Variants in RTN4 observed in about 807,000 individuals in gnomAD.
RTN4 encodes the protein reticulon 4.
RTN4 carries 32 observed loss-of-function variants against 90.4 expected under a neutral mutation model. The ratio of observed to expected loss-of-function variants is 0.35; its 90% CI spans 0.27 to 0.48. The LOEUF (loss-of-function observed/expected upper bound fraction) is 0.48. Ranked by LOEUF, RTN4 falls within the 20% of genes least tolerant of loss-of-function variation. The pLI is 0.99. For synonymous variants in RTN4, 629 were observed against 552.5 expected (o/e 1.14, Z -1.94); for missense variants, 1,706 against 1,430.2 (o/e 1.19, Z -3.11).
chr2:55,097,595 C>T (rs943931835), intron 1 of RTN4, among the ~76,000 whole-genome samples: 3 of 152,030 alleles, frequency 2.0e-5, no homozygotes, highest in African/African-American at 7.3e-5. Context: ...CAGGAGGCCT[C>T]GAAGAGGCAG....
intron 2 of RTN4, among the ~76,000 whole-genome samples, chr2:55,078,002 C>T (rs74483588): frequency 0.054 from 8,073 of 150,548 alleles, 694 homozygotes; most frequent in African/African-American, 0.18. Flanking sequence ...CGTTTGGGGA[C>T]TTTGGGGACT....
intron 3 of RTN4, among the ~76,000 whole-genome samples, chr2:54,997,429 G>A (rs897781504): frequency 6.6e-6 from 1 of 152,180 alleles, no homozygotes; most frequent in Non-Finnish European, 1.5e-5. Flanking sequence ...TTCAGCCACT[G>A]TGAAAAACAA....
At chr2:55,109,611 C>T (rs1308188049) in intron 1 of RTN4, among the ~76,000 whole-genome samples, 2 of 151,310 alleles carry the variant, frequency 1.3e-5, no homozygotes, top group Non-Finnish European at 2.9e-5. Flanking sequence ...TGCTAAAACA[C>T]CTTTTAGAAA....
At chr2:54,986,241 T>A (rs1678552021) in intron 4 of RTN4, among the ~76,000 whole-genome samples, 1 of 152,100 alleles carries the variant, frequency 6.6e-6, no homozygotes, top group Non-Finnish European at 1.5e-5. Flanking sequence ...TCTAGAAAAA[T>A]TAATCGGACA....
chr2:55,006,026 A>C (rs1680194372), intron 3 of RTN4, among the ~76,000 whole-genome samples: 2 of 152,190 alleles, frequency 1.3e-5, no homozygotes, highest in Admixed American at 1.3e-4. Flanking sequence ...ACTAGATGGA[A>C]TTAAAATATT....
the RTN4 span, among the ~76,000 whole-genome samples, chr2:55,136,580 G>A: frequency 1.1e-3 from 175 of 152,216 alleles, no homozygotes; most frequent in Middle Eastern, 0.024. Context: ...GAATTCTTTC[G>A]CCTGAGGCGG....
At chr2:55,037,815 A>G (rs532886371) in intron 1 of RTN4, among the ~76,000 whole-genome samples, 1 of 152,346 alleles carries the variant, frequency 6.6e-6, no homozygotes, top group East Asian at 1.9e-4. Context: ...ATTTATGCAG[A>G]AATACTAAGG....
intron 2 of RTN4, among the ~76,000 whole-genome samples, chr2:55,058,473 C>CA (rs758434973): frequency 9.2e-5 from 14 of 152,196 alleles, no homozygotes; most frequent in Non-Finnish European, 1.9e-4. Context: ...CCATGGTGTA[C>CA]ATGCCAGCTA....
chr2:55,109,763 T>C (rs1343362139), intron 1 of RTN4, among the ~76,000 whole-genome samples: 2 of 152,176 alleles, frequency 1.3e-5, no homozygotes, highest in African/African-American at 4.8e-5. Flanking sequence ...CCGAGTGCCC[T>C]TTGGCAAACA....
chr2:55,102,093 C>A (rs1011913396), intron 1 of RTN4, among the ~76,000 whole-genome samples: 1 of 152,098 alleles, frequency 6.6e-6, no homozygotes, highest in Non-Finnish European at 1.5e-5. Flanking sequence ...TTTTAAAAAT[C>A]ATGAGCACCA....
chr2:54,976,761 T>A (rs1352343541), intron 5 of RTN4, among the ~76,000 whole-genome samples: 1 of 152,226 alleles, frequency 6.6e-6, no homozygotes, highest in Non-Finnish European at 1.5e-5. Flanking sequence ...ATGGCAGGAA[T>A]AAGGTCAATA....
intron 1 of RTN4, among the ~76,000 whole-genome samples, chr2:55,109,820 G>T (rs192954665): frequency 2.6e-5 from 4 of 152,310 alleles, no homozygotes; most frequent in Admixed American, 6.5e-5. Context: ...TTGAAAAAGG[G>T]AATCACTCAG....
intron 3 of RTN4, among the ~76,000 whole-genome samples, chr2:55,024,337 A>G (rs1484354329): frequency 6.6e-6 from 1 of 152,166 alleles, no homozygotes; most frequent in Non-Finnish European, 1.5e-5. Context: ...CACTGTTCCA[A>G]TGGTGATGAG....
At chr2:55,013,608 T>TTTTTTTG (rs761530738) in intron 3 of RTN4, among the ~76,000 whole-genome samples, 2 of 62,522 alleles carry the variant, frequency 3.2e-5, no homozygotes, top group Non-Finnish European at 6.6e-5. Context: ...GGTTTTTTTT[T>TTTTTTTG]GGGGGGGGGG....
At chr2:55,066,122 C>A (rs577124907) in intron 2 of RTN4, among the ~76,000 whole-genome samples, 1 of 151,012 alleles carries the variant, frequency 6.6e-6, no homozygotes, top group South Asian at 2.1e-4. Flanking sequence ...CCCAAAATAT[C>A]AAGTGAAAAA....
intron 1 of RTN4, 43 bp downstream of exon 1, chr2:55,049,701 AG>A: frequency 7.1e-7 from 1 of 1,417,528 alleles, no homozygotes; most frequent in Non-Finnish European, 9.3e-7. Flanking sequence ...CAAAAGAGGG[AG>A]GGGCGCGAGG....
chr2:55,120,641 T>C, the RTN4 span, among the ~76,000 whole-genome samples: 4 of 152,144 alleles, frequency 2.6e-5, no homozygotes, highest in Non-Finnish European at 5.9e-5. Flanking sequence ...CTAACTCCCA[T>C]TCTCAAGCAA....
chr2:55,060,306 TTCTA>T (rs1276120896), intron 2 of RTN4, among the ~76,000 whole-genome samples: 13 of 152,360 alleles, frequency 8.5e-5, no homozygotes, highest in South Asian at 2.1e-4. Flanking sequence ...TTTTAATGTT[TTCTA>T]TCTTTTATTT....
rs1677129536 is a variant in RTN4, at chr2:54,972,456, A to G, written c.*700T>C. On this transcript the variant is annotated 3_prime_UTR_variant, in exon 9 of 9. Coordinates refer to ENST00000337526, the MANE Select transcript of RTN4 (RefSeq NM_020532.5). ...TCTATGTGTGTGGCATTTCATGTTG[A>G]AAACAGATGGTAGTGCTCCTAGAAA... is the stretch of plus-strand genomic sequence containing the variant. 6.6e-6 allele frequency: 1 copy of G among 152,594 alleles called. No homozygotes were observed. The highest frequency in any genetic ancestry group is 2.4e-5 in the African/African-American group (1 of 41,422). 9.5% of individuals were successfully genotyped at this position (152,594 alleles called of 1,614,324 possible). A position where few individuals can be genotyped will look rare whatever the true frequency, so the allele number is the denominator to read the frequency against.
Sources: gnomAD v4.1 joint callset for allele counts (sites outside exome capture counted in the v4.1 genomes callset) on GRCh38, gnomAD v4.1.1 for gene constraint, MANE v1.5 for transcripts, NCBI Gene and HGNC (gene_info 2026-07-23, HGNC 2026-07-21) for gene names.